Variants in PROM2 observed in about 807,000 individuals in gnomAD.
PROM2 encodes the protein prominin 2.
In PROM2, 90 loss-of-function variants were observed where a neutral mutation model predicts 110.2. That is an observed-to-expected ratio of 0.82 (90% CI 0.69 to 0.97). PROM2 has a LOEUF of 0.97. PROM2 is among the 50% of genes least tolerant of loss of function. The probability of loss-of-function intolerance (pLI) is 0.00; values close to 1 mark genes in which losing one functional copy is unlikely to be tolerated. For synonymous variants in PROM2, 470 were observed against 467.8 expected (o/e 1.00, Z -0.06); for missense variants, 1,009 against 1,074.8 (o/e 0.94, Z 0.86).
Position 95,275,658 on chromosome 2 carries a change from C to T in PROM2, c.294+148C>T. 1 of 1,357,968 alleles carries T rather than the reference C, an allele frequency of 7.4e-7. No homozygotes were observed. Among genetic ancestry groups the T allele is most frequent in the African/African-American group, 1.5e-5 (1 of 68,796 alleles). The allele number at this position is 1,357,968 out of a possible 1,614,324, so 84.1% of individuals were successfully genotyped here. On this transcript the variant is annotated intron_variant, in intron 2 of 23. Coordinates refer to ENST00000317620, the MANE Select transcript of PROM2 (RefSeq NM_001165978.3). The surrounding 1 kb of genome is among the most constrained non-coding windows in gnomAD (Gnocchi z 4.4). ...CATCCTCTCCCCTCCTCTGTGGGCG[C>T]TGCAGTCCGTAGACCTGGGTGCAAA...
chr2:95,288,139 C>G, intron 20 of PROM2, 72 bp from the exon 21 acceptor site: 1 of 1,494,054 alleles, frequency 6.7e-7, no homozygotes, highest in Non-Finnish European at 9.2e-7. Flanking sequence ...ACCACTCTCC[C>G]TGAATTGAAT....
At chr2:95,285,190 T>C (rs1573459633) in intron 15 of PROM2, 75 bp downstream of exon 15, 2 of 1,422,140 alleles carry the variant, frequency 1.4e-6, no homozygotes, top group Non-Finnish European at 1.9e-6. Context: ...AGGAGCTGGG[T>C]GTGCATCTTG....
At chr2:95,279,172 G>A (rs1354506924) in intron 10 of PROM2, 28 bp downstream of exon 10, 6 of 1,227,810 alleles carry the variant, frequency 4.9e-6, no homozygotes, top group Admixed American at 3.0e-5. Context: ...GTGGGATGGG[G>A]TGGGGTGGGG....
At chr2:95,288,462 C>G in intron 21 of PROM2, 21 bp from the exon 22 acceptor site, 1 of 1,611,192 alleles carries the variant, frequency 6.2e-7, no homozygotes, top group Non-Finnish European at 8.5e-7. Flanking sequence ...GTTGGTGAGC[C>G]GACCTCACGC....
chr2:95,277,924 T>G lies in PROM2; in HGVS notation c.976-6T>G. ...CTTTGTCATAACCCACCTTCCCCCA[T>G]TTCAGGTGCCCTCTGTGGACCATGT... On this transcript the variant is annotated splice_polypyrimidine_tract_variant and splice_region_variant and intron_variant, in intron 7 of 23. Coordinates refer to ENST00000317620, the MANE Select transcript of PROM2 (RefSeq NM_001165978.3). 1 of 1,611,498 alleles carries G rather than the reference T, an allele frequency of 6.2e-7. No individual in the cohort carries two copies. The highest frequency in any genetic ancestry group is 2.2e-5 in the East Asian group (1 of 44,608).
chr2:95,277,727 C>T, intron 7 of PROM2, 161 bp downstream of exon 7: 2 of 798,146 alleles, frequency 2.5e-6, no homozygotes, highest in East Asian at 2.7e-5. Context: ...GAGTGCTCCC[C>T]AGGCCACGCC....
intron 11 of PROM2, 127 bp downstream of exon 11, chr2:95,280,124 C>A: frequency 3.0e-6 from 3 of 992,446 alleles, no homozygotes; most frequent in Non-Finnish European, 4.0e-6. Flanking sequence ...GGGGTTGAAC[C>A]AGAGCAGGAA....
At position 95,274,614 on chromosome 2, in the gene PROM2, C is replaced by A; in HGVS notation, c.29C>A (p.Pro10His). ...AAGCACACACTGGCTCTGCTGGCTC[C>A]CCTGCTGGGCCTGGGCCTGGGGCTG... MKHTLALLA[P>H]LLGLGLGLAL... The change falls in exon 1 of 24, where the codon CCC becomes CAC. Residue 10 changes from proline (P) to histidine (H), a missense_variant. Pro to His is a moderately conservative substitution (Grantham distance 77). Transcript: ENST00000317620. 6.2e-7 allele frequency: 1 copy of A among 1,600,022 alleles called. No individual in the cohort carries two copies. Among genetic ancestry groups the A allele is most frequent in the Non-Finnish European group, 8.5e-7 (1 of 1,171,030 alleles).
Position 95,286,821 on chromosome 2 carries a change from C to T in PROM2, c.2058C>T (p.Ser686=), listed in dbSNP as rs372185353. Residue 686 remains serine, a synonymous_variant, in exon 18 of 24, where the codon AGC becomes AGT. Coordinates refer to ENST00000317620, the MANE Select transcript of PROM2 (RefSeq NM_001165978.3). The part of the protein sequence containing the change: ...QQSLVAKLNL[S]VRALESSAPN... Reference sequence around the variant, plus strand: ...CTCCACAGGCAAAGCTCAACCTCAGCGTCAGGGCCCTGGAGTCCTCTGCCC... The same window carrying T: ...CTCCACAGGCAAAGCTCAACCTCAGTGTCAGGGCCCTGGAGTCCTCTGCCC... The T allele has an allele frequency of 4.2e-5, 68 of 1,613,560 alleles. No individual in the cohort carries two copies. The highest frequency in any genetic ancestry group is 5.5e-5 in the Non-Finnish European group (65 of 1,179,942).
rs541655935 is a variant in PROM2 at position 95,277,223 on chromosome 2, T to G, written c.773-141T>G. 10 of 1,142,674 alleles carry G rather than the reference T, an allele frequency of 8.8e-6. No individual in the cohort carries two copies. The South Asian group carries it at 1.6e-4, about 18-fold the overall frequency. 70.8% of individuals were successfully genotyped at this position (1,142,674 alleles called of 1,614,324 possible). A position where few individuals can be genotyped will look rare whatever the true frequency, so the allele number is the denominator to read the frequency against. ...CCAGCCCCCCTCCCCTGGCTTAATG[T>G]GCCCTGGGGCAGTTTCCACTGTAGG... On this transcript the variant is annotated intron_variant, in intron 6 of 23. Transcript: ENST00000317620.
rs1677027519 is a variant in PROM2, at chr2:95,281,311, T to G, written c.1497T>G (p.Gly499=). 6.2e-7 allele frequency: 1 copy of G among 1,613,306 alleles called. No individual in the cohort carries two copies. Among genetic ancestry groups the G allele is most frequent in the Non-Finnish European group, 8.5e-7 (1 of 1,179,930 alleles). The change falls in exon 12 of 24, where the codon GGT becomes GGG. Residue 499 remains glycine, a synonymous_variant. Coordinates refer to ENST00000317620, the MANE Select transcript of PROM2 (RefSeq NM_001165978.3). ...ILLVFATFLV[G]GNVQTLVCQS... The stretch of plus-strand genomic sequence containing the variant: ...TGGTGTTCGCCACCTTCCTGGTGGG[T>G]GGCAACGTGCAGACGCTGGTGTGCC...
chr2:95,281,439 G>A, intron 12 of PROM2, 74 bp downstream of exon 12: 3 of 1,450,634 alleles, frequency 2.1e-6, no homozygotes, highest in Non-Finnish European at 2.8e-6. Flanking sequence ...AGGAGGGTTG[G>A]GGGAAAGTGG....
chr2:95,279,893 C>A lies in PROM2; in HGVS notation c.1323C>A (p.Leu441=). Residue 441 remains leucine (L), a synonymous_variant, in exon 11 of 24, where the codon CTC becomes CTA. Coordinates refer to ENST00000317620, the MANE Select transcript of PROM2 (RefSeq NM_001165978.3). ...GCTCCGTGGTCCTATTCGTGGTGCT[C>A]TGCAACCTGCTGGGCCTCAATCTGG... is the stretch of plus-strand genomic sequence containing the variant. ...VLCSVVLFVV[L]CNLLGLNLGI... is the part of the protein sequence containing the mutation. 1 of 1,558,844 alleles carries A rather than the reference C, an allele frequency of 6.4e-7. No homozygotes were observed. The highest frequency in any genetic ancestry group is 8.7e-7 in the Non-Finnish European group (1 of 1,150,506).
intron 14 of PROM2, 108 bp downstream of exon 14, chr2:95,282,334 G>A: frequency 3.2e-6 from 3 of 936,204 alleles, no homozygotes; most frequent in Non-Finnish European, 5.0e-6. Context: ...GACCTGAGAA[G>A]TCTGTGTGAG....
Position 95,284,992 on chromosome 2 carries a change from GT to G in PROM2, c.1754del (p.Leu585CysfsTer4), listed in dbSNP as rs1677263474. The G allele has an allele frequency of 6.2e-7, 1 of 1,609,674 alleles. No individual in the cohort carries two copies. The highest frequency in any genetic ancestry group is 1.3e-5 in the African/African-American group (1 of 74,876). ...NQYTNKLRQELQSLKVDTQSL... is the reference protein window; with the variant it reads ...NQYTNKLRQEXQSLKVDTQSL... ...AGTATACCAACAAGCTACGGCAGGA[GT>G]TGCAGAGCCTGAAAGTAGACACACA... On this transcript the variant is annotated frameshift_variant, in exon 15 of 24. Transcript: ENST00000317620. LOFTEE classifies it high-confidence loss of function.
At chr2:95,286,436 A>G in intron 16 of PROM2, 43 bp from the exon 17 acceptor site, 1 of 1,560,798 alleles carries the variant, frequency 6.4e-7, no homozygotes. Flanking sequence ...TGACGGGTAG[A>G]TGGGTCCTGG....
At chr2:95,287,010 C>A in intron 18 of PROM2, 123 bp from the exon 19 acceptor site, 1 of 1,258,364 alleles carries the variant, frequency 7.9e-7, no homozygotes, top group Non-Finnish European at 1.1e-6. Flanking sequence ...CCTGGGGGAT[C>A]ACCACCCTTG....
rs1432477335 is a variant in PROM2, at chr2:95,276,394, G to A, written c.618+47G>A. 1 of 1,606,898 alleles carries A rather than the reference G, an allele frequency of 6.2e-7. No homozygotes were observed. The highest frequency in any genetic ancestry group is 8.5e-7 in the Non-Finnish European group (1 of 1,176,284). The stretch of plus-strand genomic sequence containing the variant: ...CCTCATGTGCCCCTGTGAGCACTGG[G>A]CCCGGGCAGGACAGAGCCGAGTGGG... On this transcript the variant is annotated intron_variant, in intron 4 of 23. Coordinates refer to ENST00000317620, the MANE Select transcript of PROM2 (RefSeq NM_001165978.3). This position sits in a 1 kb window ranked among gnomAD's most constrained non-coding sequence, Gnocchi z 4.6.
Position 95,276,791 on chromosome 2 carries a change from C to G in PROM2, c.682+134C>G. The G allele has an allele frequency of 1.7e-6, 2 of 1,175,380 alleles. No homozygotes were observed. The highest frequency in any genetic ancestry group is 2.5e-6 in the Non-Finnish European group (2 of 813,096). 72.8% of individuals were successfully genotyped at this position (1,175,380 alleles called of 1,614,324 possible). A position where few individuals can be genotyped will look rare whatever the true frequency, so the allele number is the denominator to read the frequency against. ...CTGGTAGAGGTGGGGATCAGGCCGG[C>G]TGGAGAGCAAGAGTGGCCGCCACTC... is the stretch of plus-strand genomic sequence containing the variant. On this transcript the variant is annotated intron_variant, in intron 5 of 23. Coordinates refer to ENST00000317620, the MANE Select transcript of PROM2 (RefSeq NM_001165978.3). This position sits in a 1 kb window ranked among gnomAD's most constrained non-coding sequence, Gnocchi z 4.6.
Sources: gnomAD v4.1 joint callset for allele counts on GRCh38, gnomAD v4.1.1 for gene constraint, Gnocchi (gnomAD v3.1) non-coding constraint, MANE v1.5 for transcripts, NCBI Gene and HGNC (gene_info 2026-07-23, HGNC 2026-07-21) for gene names.